RASA3: variants seen among roughly 807,000 people sequenced by gnomAD.
RASA3 encodes ras GTPase-activating protein 3.
RASA3 carries 73 observed loss-of-function variants against 110.0 expected under a neutral mutation model. That is an observed-to-expected ratio of 0.66 (90% CI 0.55 to 0.81). The LOEUF is 0.81. RASA3 is among the 30% of genes least tolerant of loss of function. The pLI, the probability that RASA3 is intolerant of heterozygous loss-of-function variation, is 0.00. For missense variants in RASA3, 976 were observed against 1,113.2 expected, an observed-to-expected ratio of 0.88 and a Z score of 1.75; for synonymous variants, 500 against 451.4, an observed-to-expected ratio of 1.11 and a Z score of -1.37.
At chr13:114,041,701 G>A (rs771605277) in intron 3 of RASA3, among the ~76,000 whole-genome samples, 7 of 152,268 alleles carry the variant, frequency 4.6e-5, no homozygotes, top group South Asian at 2.1e-4. Flanking sequence ...GTGTGGACAC[G>A]CACGTGTGTG....
intron 22 of RASA3, among the ~76,000 whole-genome samples, chr13:113,990,805 G>C (rs2053091490): frequency 6.6e-6 from 1 of 152,252 alleles, no homozygotes; most frequent in African/African-American, 2.4e-5. Flanking sequence ...TGCCTTGCCT[G>C]TCTGCACACA....
intron 18 of RASA3, among the ~76,000 whole-genome samples, chr13:114,003,771 T>C (rs2139184934): frequency 6.6e-6 from 1 of 152,318 alleles, no homozygotes; most frequent in South Asian, 2.1e-4. Flanking sequence ...TCTACCTATT[T>C]AAAAAAGTTT....
chr13:113,980,053 C>T (rs866909794), intron 23 of RASA3, among the ~76,000 whole-genome samples: 1 of 142,924 alleles, frequency 7.0e-6, no homozygotes, highest in Admixed American at 6.9e-5. Flanking sequence ...TGTGTGCCTC[C>T]TGTGTGCACC....
chr13:114,041,618 G>A (rs963207660), intron 3 of RASA3, among the ~76,000 whole-genome samples: 4 of 152,226 alleles, frequency 2.6e-5, no homozygotes, highest in South Asian at 2.1e-4. Flanking sequence ...GCAGCATCAC[G>A]CCACAAGAGA....
chr13:114,121,545 A>C (rs2080377547), intron 1 of RASA3, among the ~76,000 whole-genome samples: 1 of 152,084 alleles, frequency 6.6e-6, no homozygotes, highest in Non-Finnish European at 1.5e-5. Flanking sequence ...GTGTGCATAC[A>C]TGTGCATGTG....
chr13:114,013,009 C>T, intron 15 of RASA3, 133 bp downstream of exon 15: 2 of 678,454 alleles, frequency 2.9e-6, no homozygotes, highest in African/African-American at 1.8e-5. Flanking sequence ...CCCACTCACT[C>T]CTGATTCCTC....
intron 1 of RASA3, among the ~76,000 whole-genome samples, chr13:114,074,945 C>G (rs138264582): frequency 1.3e-5 from 2 of 152,252 alleles, no homozygotes; most frequent in Admixed American, 1.3e-4. Flanking sequence ...TCAATCCAGA[C>G]AGCGGATGCC....
Position 114,092,484 on chromosome 13 carries a change from C to T in RASA3, c.56-18647G>A, listed in dbSNP as rs145917082. Among the ~76,000 whole-genome samples, 450 of 152,224 alleles carry T rather than the reference C, an allele frequency of 3.0e-3. 3 individuals carry two copies. Among genetic ancestry groups the T allele is most frequent in the African/African-American group, 0.01 (424 of 41,540 alleles). On this transcript the variant is annotated intron_variant, in intron 1 of 23. Coordinates refer to ENST00000334062, the MANE Select transcript of RASA3 (RefSeq NM_007368.4). ...TGTTTGCATAGTTTCCAAAGTTCCTCTTGCTATGGTTTCTAGTTTTTTTGA... is the reference window on the plus strand; with the variant it reads ...TGTTTGCATAGTTTCCAAAGTTCCTTTTGCTATGGTTTCTAGTTTTTTTGA...
rs1428972595 is a variant in RASA3 at position 114,132,602 on chromosome 13, C to T, written c.-113G>A. 162 of 902,500 alleles carry T rather than the reference C, an allele frequency of 1.8e-4. No individual in the cohort carries two copies. The highest frequency in any genetic ancestry group is 2.3e-4 in the Non-Finnish European group (159 of 704,914). 55.9% of individuals were successfully genotyped at this position (902,500 alleles called of 1,614,324 possible). On this transcript the variant is annotated 5_prime_UTR_variant, in exon 1 of 24. Transcript: ENST00000334062. ...AGCCCCGAGCGCGGCCGAGGGTCCGCCCGCCTGCAAGACCGCCAGTTGGCC... is the reference window on the plus strand; with the variant it reads ...AGCCCCGAGCGCGGCCGAGGGTCCGTCCGCCTGCAAGACCGCCAGTTGGCC...
chr13:114,049,530 ATTTC>A (rs1235220683), intron 3 of RASA3, among the ~76,000 whole-genome samples: 2 of 152,240 alleles, frequency 1.3e-5, no homozygotes, highest in Non-Finnish European at 2.9e-5. Context: ...AATTTTTTAA[ATTTC>A]TTTTTCCTTA....
intron 1 of RASA3, among the ~76,000 whole-genome samples, chr13:114,101,607 G>T (rs931944266): frequency 2.0e-5 from 3 of 152,246 alleles, no homozygotes; most frequent in African/African-American, 7.2e-5. Flanking sequence ...ACGCTTGGCT[G>T]TCCTCGTTTC....
At chr13:114,079,354 T>C (rs1304164496) in intron 1 of RASA3, among the ~76,000 whole-genome samples, 1 of 152,108 alleles carries the variant, frequency 6.6e-6, no homozygotes, top group African/African-American at 2.4e-5. Flanking sequence ...GTCCCAGCAA[T>C]AAAGCCCAGG....
At chr13:114,003,785 A>G (rs2053456033) in intron 18 of RASA3, among the ~76,000 whole-genome samples, 1 of 152,226 alleles carries the variant, frequency 6.6e-6, no homozygotes, top group Non-Finnish European at 1.5e-5. Context: ...AAAGTTTTAA[A>G]TTATTAGCCA....
intron 3 of RASA3, among the ~76,000 whole-genome samples, chr13:114,051,824 C>T (rs12429090): frequency 0.02 from 3,044 of 152,316 alleles, 149 homozygotes; most frequent in Admixed American, 0.11. Flanking sequence ...ATGGAAGCCT[C>T]GACTGGCAGT....
rs754833145 is a variant in RASA3 at position 114,052,069 on chromosome 13, C to T, written c.260G>A (p.Arg87Gln). Residue 87 changes from arginine to glutamine, a missense_variant, in exon 3 of 24, where the codon CGG becomes CAG. Physicochemically the swap from Arg to Gln is conservative, Grantham distance 43. Transcript: ENST00000334062. ...SFYIFDRDVF[R>Q]RDSIIGKVAI... ...TCACCTACCTATGATGGAATCCCTCCGGAAAACGTCTCTATCGAAAATGTA... is the reference window on the plus strand; with the variant it reads ...TCACCTACCTATGATGGAATCCCTCTGGAAAACGTCTCTATCGAAAATGTA... 24 of 1,609,166 alleles carry T rather than the reference C, an allele frequency of 1.5e-5. No homozygotes were observed. The highest frequency in any genetic ancestry group is 2.2e-5 in the South Asian group (2 of 90,990).
intron 1 of RASA3, among the ~76,000 whole-genome samples, chr13:114,131,087 G>T (rs932219923): frequency 2.6e-5 from 4 of 152,232 alleles, no homozygotes; most frequent in African/African-American, 4.8e-5. Flanking sequence ...CGGAAGTGCT[G>T]CCACATCCTA....
At position 114,069,384 on chromosome 13, in the gene RASA3, T is replaced by C. The variant is rs1221020368; in HGVS notation, c.173+4336A>G. On this transcript the variant is annotated intron_variant, in intron 2 of 23. Coordinates refer to ENST00000334062, the MANE Select transcript of RASA3 (RefSeq NM_007368.4). ...CACAGCGACTTTGCCAAATGAACCA[T>C]CAGACCTTAAAGGTGACACTGACCT... Among the ~76,000 whole-genome samples the C allele has an allele frequency of 2.1e-5, 3 of 140,780 alleles. No individual in the cohort carries two copies. In the East Asian group the frequency reaches 6.5e-4, roughly 31 times the overall value. The allele number at this position is 140,780 out of a possible 152,430, so 92.4% of individuals were successfully genotyped here.
intron 1 of RASA3, among the ~76,000 whole-genome samples, chr13:114,103,925 T>TGCGTCCACGCTGCC (rs2080094934): frequency 1.2e-5 from 1 of 81,654 alleles, no homozygotes; most frequent in East Asian, 5.0e-4. Context: ...CCACCCCCGA[T>TGCGTCCACGCTGCC]GCGTCCACGC....
intron 21 of RASA3, among the ~76,000 whole-genome samples, chr13:113,995,417 G>A (rs868710875): frequency 3.3e-5 from 5 of 152,266 alleles, no homozygotes. Context: ...AGGATTAAAC[G>A]GTGGCCCAGC....
Sources: allele counts gnomAD v4.1 joint callset (sites outside exome capture counted in the v4.1 genomes callset), GRCh38; gene constraint gnomAD v4.1.1; transcripts MANE v1.5; gene names NCBI Gene and HGNC (gene_info 2026-07-23, HGNC 2026-07-21).